PPFIA1: variants seen among roughly 807,000 people sequenced by gnomAD.
The protein encoded by PPFIA1 is liprin-alpha-1.
A neutral mutation model predicts 149.9 loss-of-function variants in PPFIA1; 25 were observed. The ratio of observed to expected loss-of-function variants is 0.17; its 90% CI spans 0.12 to 0.23. PPFIA1 has a LOEUF of 0.23. PPFIA1 is among the 10% of genes least tolerant of loss of function. PPFIA1 has a pLI of 1.00. For missense variants in PPFIA1, 1,362 were observed against 1,506.5 expected (o/e 0.90, Z 1.59); for synonymous variants, 549 against 552.8 (o/e 0.99, Z 0.10).
intron 13 of PPFIA1, 70 bp from the exon 14 acceptor site, chr11:70,339,101 C>A: frequency 6.4e-7 from 1 of 1,572,158 alleles, no homozygotes; most frequent in African/African-American, 1.4e-5. Context: ...TTGATAGATT[C>A]TGCCTTAACT....
intron 2 of PPFIA1, among the ~76,000 whole-genome samples, chr11:70,311,835 G>GTTT (rs2053302534): frequency 8.4e-6 from 1 of 118,738 alleles, no homozygotes; most frequent in African/African-American, 3.7e-5. Context: ...CAGTGAGTCA[G>GTTT]CTTTTTTTTT....
intron 24 of PPFIA1, among the ~76,000 whole-genome samples, chr11:70,375,852 C>T (rs2057468123): frequency 6.6e-6 from 1 of 151,862 alleles, no homozygotes; most frequent in African/African-American, 2.4e-5. Flanking sequence ...CTGACCAACC[C>T]ACACAACACA....
intron 4 of PPFIA1, 181 bp downstream of exon 4, chr11:70,325,192 A>G: frequency 3.7e-6 from 2 of 547,178 alleles, no homozygotes; most frequent in Non-Finnish European, 5.8e-6. Context: ...AAAATTACTA[A>G]TGTATATTGA....
chr11:70,359,086 TTTTTTTA>T (rs1412391070), intron 19 of PPFIA1, among the ~76,000 whole-genome samples: 4 of 152,228 alleles, frequency 2.6e-5, no homozygotes, highest in Non-Finnish European at 2.9e-5. Context: ...GATCTTTTTA[TTTTTTTA>T]TTTTTGCCCT....
chr11:70,370,780 T>C (rs1244259441), intron 21 of PPFIA1, among the ~76,000 whole-genome samples: 1 of 152,194 alleles, frequency 6.6e-6, no homozygotes, highest in African/African-American at 2.4e-5. Flanking sequence ...TCTCACGGTA[T>C]TGTTTTAACT....
At chr11:70,372,101 C>G in intron 21 of PPFIA1, 114 bp from the exon 22 acceptor site, 3 of 890,688 alleles carry the variant, frequency 3.4e-6, no homozygotes, top group Non-Finnish European at 3.2e-6. Flanking sequence ...ATAAAATTAT[C>G]ATTAGTTTAG....
chr11:70,340,377 G>A (rs1223453278), intron 14 of PPFIA1, among the ~76,000 whole-genome samples: 3 of 152,206 alleles, frequency 2.0e-5, no homozygotes, highest in South Asian at 2.1e-4. Context: ...GGAGGTCAAC[G>A]CTATGGTGAG....
chr11:70,300,245 C>T (rs1182184270), intron 2 of PPFIA1, among the ~76,000 whole-genome samples: 1 of 152,218 alleles, frequency 6.6e-6, no homozygotes, highest in Non-Finnish European at 1.5e-5. Context: ...AAAGTCAAGC[C>T]TGCATGGTTT....
chr11:70,330,273 ATAAACT>A lies in PPFIA1; in HGVS notation c.1033_1038del (p.Lys345_Leu346del), dbSNP rs761390448. 1 of 1,583,688 alleles carries A rather than the reference ATAAACT, an allele frequency of 6.3e-7. No homozygotes were observed. The highest frequency in any genetic ancestry group is 8.5e-7 in the Non-Finnish European group (1 of 1,169,594). On this transcript the variant is annotated inframe_deletion, in exon 8 of 28. Coordinates refer to ENST00000253925, the MANE Select transcript of PPFIA1 (RefSeq NM_003626.5). The stretch of plus-strand genomic sequence containing the variant: ...GCCACATCTGTGCATGACCTCAATG[ATAAACT>A]TGAAAATGAAATTGCAAATAAAGAT...
intron 16 of PPFIA1, chr11:70,350,969 T>G: frequency 8.0e-7 from 1 of 1,244,432 alleles, no homozygotes; most frequent in South Asian, 1.4e-5. Flanking sequence ...TGGTTTCTCT[T>G]CATTTCTTTG....
At chr11:70,299,597 T>C (rs1395642757) in intron 2 of PPFIA1, among the ~76,000 whole-genome samples, 5 of 152,104 alleles carry the variant, frequency 3.3e-5, no homozygotes, top group East Asian at 1.9e-4. Flanking sequence ...CTGTGTTTTG[T>C]GATTGTTTCA....
chr11:70,357,345 C>T (rs1025249496), intron 19 of PPFIA1, among the ~76,000 whole-genome samples: 44 of 152,022 alleles, frequency 2.9e-4, no homozygotes, highest in African/African-American at 9.2e-4. Flanking sequence ...CCCTAGAGGC[C>T]CCTTTGCCTT....
In PPFIA1 at chr11:70,272,483, G is replaced by GT. The variant is rs749817354; in HGVS notation, c.264+54dup. ...AACTATAGATTTTTCTCCACTAAAT[G>GT]TTTTTTTATTAGTGTCATCTTTTGT... is the stretch of plus-strand genomic sequence containing the variant. On this transcript the variant is annotated intron_variant, in intron 2 of 27. Transcript: ENST00000253925. The GT allele has an allele frequency of 7.2e-6, 11 of 1,523,562 alleles. 1 individual carries two copies. In the South Asian group the frequency reaches 1.1e-4, roughly 16 times the overall value. 94.4% of individuals were successfully genotyped at this position (1,523,562 alleles called of 1,614,324 possible).
chr11:70,295,497 C>A (rs534226129), intron 2 of PPFIA1, among the ~76,000 whole-genome samples: 4 of 127,914 alleles, frequency 3.1e-5, no homozygotes, highest in Non-Finnish European at 4.9e-5. Flanking sequence ...GGCGGCTGGC[C>A]GGGTGGGGGG....
intron 24 of PPFIA1, 109 bp downstream of exon 24, chr11:70,375,202 ACTTCAG>A: frequency 2.9e-6 from 1 of 346,726 alleles, no homozygotes; most frequent in Non-Finnish European, 4.2e-6. Context: ...AAAAAAAAAA[ACTTCAG>A]ACAACTAGTT....
intron 10 of PPFIA1, among the ~76,000 whole-genome samples, chr11:70,334,787 T>C (rs1591257443): frequency 6.6e-6 from 1 of 152,172 alleles, no homozygotes; most frequent in South Asian, 2.1e-4. Context: ...ATGACTCGGG[T>C]GCACGTCGTA....
Position 70,330,310 on chromosome 11 carries a change from G to A in PPFIA1, c.1068G>A (p.Met356Ile). 2 of 1,578,158 alleles carry A rather than the reference G, an allele frequency of 1.3e-6. No homozygotes were observed. Among genetic ancestry groups the A allele is most frequent in the Middle Eastern group, 3.3e-4 (2 of 5,980 alleles). The change falls in exon 8 of 28, where the codon ATG becomes ATA. Residue 356 changes from methionine to isoleucine, a missense_variant. Transcript: ENST00000253925. ...ATGAAATTGCAAATAAAGATTCTAT[G>A]CATCGACAGGTAATGGATTTTATCG... ...LENEIANKDS[M>I]HRQTEDKNRQ...
intron 2 of PPFIA1, among the ~76,000 whole-genome samples, chr11:70,322,111 T>A (rs138829204): frequency 6.6e-6 from 1 of 152,310 alleles, no homozygotes; most frequent in Non-Finnish European, 1.5e-5. Flanking sequence ...ACTCCCGACC[T>A]CAGGTGATCT....
At chr11:70,331,884 CA>C in intron 8 of PPFIA1, 75 bp from the exon 9 acceptor site, 1 of 1,469,830 alleles carries the variant, frequency 6.8e-7, no homozygotes, top group Non-Finnish European at 9.2e-7. Context: ...ATCTGCATTT[CA>C]GTTTGTTTCA....
Sources: gnomAD v4.1 joint callset for allele counts (sites outside exome capture counted in the v4.1 genomes callset) on GRCh38, gnomAD v4.1.1 for gene constraint, MANE v1.5 for transcripts, NCBI Gene and HGNC (gene_info 2026-07-23, HGNC 2026-07-21) for gene names.